Variants in ESRRG observed in about 807,000 individuals in gnomAD.
ESRRG encodes the protein estrogen-related receptor gamma.
ESRRG carries 13 observed loss-of-function variants against 44.0 expected under a neutral mutation model. The ratio of observed to expected loss-of-function variants is 0.30; its 90% CI spans 0.19 to 0.47. The LOEUF (loss-of-function observed/expected upper bound fraction) is 0.47, where lower values mean the gene tolerates loss of function less well. Among genes scored for constraint, ESRRG ranks in the 20% least tolerant of loss-of-function variants. The probability of loss-of-function intolerance (pLI) is 1.00; values close to 1 mark genes in which losing one functional copy is unlikely to be tolerated. For missense variants in ESRRG, 395 were observed against 580.6 expected (o/e 0.68, Z 3.29); for synonymous variants, 215 against 214.6 (o/e 1.00, Z -0.02).
chr1:216,791,463 C>T (rs913105933), intron 2 of ESRRG, among the ~76,000 whole-genome samples: 7 of 152,018 alleles, frequency 4.6e-5, no homozygotes. Flanking sequence ...TTATAAATTA[C>T]CCAGTCTCAG....
chr1:216,531,060 T>C (rs968587198), intron 5 of ESRRG, among the ~76,000 whole-genome samples: 1 of 152,044 alleles, frequency 6.6e-6, no homozygotes, highest in African/African-American at 2.4e-5. Context: ...GTCTTCTGCA[T>C]AAATGGAAGT....
At chr1:216,725,796 T>C (rs1282102983), upstream of ESRRG, among the ~76,000 whole-genome samples, 2 of 152,186 alleles carry the variant, frequency 1.3e-5, no homozygotes, top group Non-Finnish European at 2.9e-5. Flanking sequence ...CTTAATGTAC[T>C]CAAAGAATGC....
At chr1:217,124,908 C>T (rs563426072) in intron 1 of ESRRG, among the ~76,000 whole-genome samples, 7 of 152,322 alleles carry the variant, frequency 4.6e-5, no homozygotes, top group African/African-American at 1.7e-4. Flanking sequence ...GATCCCTTCT[C>T]ATGCTGCCCT....
At chr1:216,678,572 T>C (rs550246436) in intron 1 of ESRRG, among the ~76,000 whole-genome samples, 6 of 152,340 alleles carry the variant, frequency 3.9e-5, no homozygotes, top group Middle Eastern at 3.4e-3. Flanking sequence ...AAACACTTCA[T>C]CCCTTTTTCT....
chr1:216,861,195 GAAAT>G (rs1385490561), intron 2 of ESRRG, among the ~76,000 whole-genome samples: 7 of 151,522 alleles, frequency 4.6e-5, no homozygotes, highest in African/African-American at 1.2e-4. Flanking sequence ...ACAAAAAAAT[GAAAT>G]AAATAAAAAA....
intron 1 of ESRRG, among the ~76,000 whole-genome samples, chr1:217,021,728 A>G (rs1182424890): frequency 6.6e-6 from 1 of 152,222 alleles, no homozygotes; most frequent in African/African-American, 2.4e-5. Flanking sequence ...ACTGTTATAT[A>G]TAGTCTAAAA....
chr1:216,516,738 A>T (rs894820642), intron 6 of ESRRG, among the ~76,000 whole-genome samples: 1 of 151,974 alleles, frequency 6.6e-6, no homozygotes, highest in Non-Finnish European at 1.5e-5. Flanking sequence ...AAATATTTTT[A>T]TACTGATATG....
chr1:217,026,912 C>CACACACAGAGAGAGAGAGAGAGAGAG (rs1255637839), intron 1 of ESRRG, among the ~76,000 whole-genome samples: 1 of 93,414 alleles, frequency 1.1e-5, no homozygotes, highest in Non-Finnish European at 2.2e-5. Context: ...CACACACACA[C>CACACACAGAGAGAGAGAGAGAGAGAG]AGAGAGAGAG....
At chr1:216,818,222 T>C (rs1048195985) in intron 2 of ESRRG, among the ~76,000 whole-genome samples, 18 of 152,336 alleles carry the variant, frequency 1.2e-4, no homozygotes, top group African/African-American at 3.8e-4. Context: ...GGAAATGAAG[T>C]GACGTTTTTT....
chr1:217,126,022 G>A (rs1250902631), intron 1 of ESRRG, among the ~76,000 whole-genome samples: 2 of 152,088 alleles, frequency 1.3e-5, no homozygotes, highest in Non-Finnish European at 2.9e-5. Flanking sequence ...ATAGGGTTTT[G>A]GATGGAATGC....
rs1425249278 is a variant in ESRRG, at chr1:216,504,318, C to A, written c.*2621G>T. 1 of 152,094 alleles carries A rather than the reference C, an allele frequency of 6.6e-6. No homozygotes were observed. The highest frequency in any genetic ancestry group is 1.5e-5 in the Non-Finnish European group (1 of 67,912). The allele number at this position is 152,094 out of a possible 1,614,324, so 9.4% of individuals were successfully genotyped here. On this transcript the variant is annotated 3_prime_UTR_variant, in exon 7 of 7. Transcript: ENST00000408911. ...ATAAATAATCTTATAGAATCAGCACCTTTTTTCCCAGGAGTTGTATTTTCT... is the reference window on the plus strand; with the variant it reads ...ATAAATAATCTTATAGAATCAGCACATTTTTTCCCAGGAGTTGTATTTTCT...
chr1:216,757,735 G>C (rs12725407), intron 2 of ESRRG, among the ~76,000 whole-genome samples: 22,016 of 151,996 alleles, frequency 0.14, 1,981 homozygotes, highest in South Asian at 0.29. Flanking sequence ...ATATAGTCCT[G>C]TCTAATCCTT....
intron 5 of ESRRG, among the ~76,000 whole-genome samples, chr1:216,537,771 C>T (rs1309408458): frequency 6.6e-6 from 1 of 152,056 alleles, no homozygotes; most frequent in African/African-American, 2.4e-5. Flanking sequence ...TTCTCTTTGC[C>T]ACTTTACATT....
rs543557862 is a variant in ESRRG at position 216,899,594 on chromosome 1, A to G, written c.-14+39988T>C. On this transcript the variant is annotated intron_variant, in intron 2 of 7. Coordinates refer to the ESRRG transcript ENST00000359162. ...CATTCCTCTCTGACTTCAACATGTG[A>G]ACACTTAAAGGTAATCACCAGCCAT... is the stretch of plus-strand genomic sequence containing the variant. 3.9e-5 allele frequency among the ~76,000 whole-genome samples: 6 copies of G among 152,320 alleles called. No individual in the cohort carries two copies. The East Asian group carries it at 7.7e-4, about 20-fold the overall frequency.
At chr1:216,735,235 G>C (rs1168834994) in intron 2 of ESRRG, among the ~76,000 whole-genome samples, 3 of 150,954 alleles carry the variant, frequency 2.0e-5, no homozygotes, top group African/African-American at 4.9e-5. Context: ...TTGAGACAGG[G>C]TCTGGCTCTG....
rs11810718 is a variant in ESRRG, at chr1:216,530,054, G to T, written c.863-10633C>A. ...TTGAACACAGGAGGCAAATGTTGCA[G>T]TGAGCTAAGATTGCACAACTGCACT... On this transcript the variant is annotated intron_variant, in intron 5 of 6. Transcript: ENST00000408911. Among the ~76,000 whole-genome samples, 1,007 of 142,338 alleles carry T rather than the reference G, an allele frequency of 7.1e-3. 6 individuals carry two copies. Among genetic ancestry groups the T allele is most frequent in the African/African-American group, 0.025 (948 of 37,720 alleles). The allele number at this position is 142,338 out of a possible 152,430, so 93.4% of individuals were successfully genotyped here.
chr1:217,072,675 A>C (rs2090711496), intron 1 of ESRRG, among the ~76,000 whole-genome samples: 1 of 150,928 alleles, frequency 6.6e-6, no homozygotes, highest in Non-Finnish European at 1.5e-5. Context: ...TCCCTTTAAG[A>C]TAGTTTTACT....
At chr1:216,929,936 C>T (rs1198868057) in intron 2 of ESRRG, among the ~76,000 whole-genome samples, 3 of 152,100 alleles carry the variant, frequency 2.0e-5, no homozygotes, top group Non-Finnish European at 2.9e-5. Context: ...GATTTCCAGC[C>T]CTCAGGAAAC....
At chr1:216,675,975 C>T (rs2076038484) in intron 2 of ESRRG, among the ~76,000 whole-genome samples, 1 of 152,152 alleles carries the variant, frequency 6.6e-6, no homozygotes, top group Admixed American at 6.5e-5. Context: ...TCCACTGATT[C>T]CAATGAGCTG....
Sources: gnomAD v4.1 joint callset for allele counts (sites outside exome capture counted in the v4.1 genomes callset) on GRCh38, gnomAD v4.1.1 for gene constraint, MANE v1.5 for transcripts, NCBI Gene and HGNC (gene_info 2026-07-23, HGNC 2026-07-21) for gene names.